The following LIN7C variants were observed in gnomAD, a reference collection of about 807,000 sequenced individuals.
The protein encoded by LIN7C is lin-7 cell polarity scaffold C.
LIN7C carries 17 observed loss-of-function variants against 24.7 expected under a neutral mutation model. The ratio of observed to expected loss-of-function variants is 0.69; its 90% confidence interval spans 0.47 to 1.03. The LOEUF (loss-of-function observed/expected upper bound fraction) is 1.03, where lower values mean the gene tolerates loss of function less well. Among genes scored for constraint, LIN7C ranks in the 50% least tolerant of loss-of-function variants. LIN7C has a pLI of 0.00. For missense variants in LIN7C, 204 were observed against 239.0 expected, an observed-to-expected ratio of 0.85 and a Z score of 0.97; for synonymous variants, 90 against 83.4, an observed-to-expected ratio of 1.08 and a Z score of -0.43.
At chr11:27,502,813 T>G (rs565726005) in intron 1 of LIN7C, among the ~76,000 whole-genome samples, 2 of 152,342 alleles carry the variant, frequency 1.3e-5, no homozygotes, top group Non-Finnish European at 2.9e-5. Context: ...TGGTACCAAT[T>G]AATCATAAGA....
In LIN7C at chr11:27,494,942, T is replaced by G. The variant is rs1298419955; in HGVS notation, c.*3707A>C. On this transcript the variant is annotated 3_prime_UTR_variant, in exon 5 of 5. Coordinates refer to ENST00000278193, the MANE Select transcript of LIN7C (RefSeq NM_018362.4). ...TCAGGAAATACAATTACTAGAATCC[T>G]TGATATTTCAATGATCATTCCACAT... 1 of 152,614 alleles carries G rather than the reference T, an allele frequency of 6.6e-6. No homozygotes were observed. Among genetic ancestry groups the G allele is most frequent in the African/African-American group, 2.4e-5 (1 of 41,478 alleles). 9.5% of individuals were successfully genotyped at this position (152,614 alleles called of 1,614,324 possible). A position where few individuals can be genotyped will look rare whatever the true frequency, so the allele number is the denominator to read the frequency against.
In LIN7C at chr11:27,496,643, T is replaced by C. The variant is rs765195911; in HGVS notation, c.*2006A>G. The C allele has an allele frequency of 2.0e-5, 3 of 152,244 alleles. No individual in the cohort carries two copies. The highest frequency in any genetic ancestry group is 3.4e-3 in the Middle Eastern group (1 of 294). 9.4% of individuals were successfully genotyped at this position (152,244 alleles called of 1,614,324 possible). A position where few individuals can be genotyped will look rare whatever the true frequency, so the allele number is the denominator to read the frequency against. On this transcript the variant is annotated 3_prime_UTR_variant, in exon 5 of 5. Coordinates refer to ENST00000278193, the MANE Select transcript of LIN7C (RefSeq NM_018362.4). Reference sequence around the variant, plus strand: ...GGTGTCAACCCACACAAAGAACAGATTGTGGATTACCGTAGGGAAAAAAAT... The same window carrying C: ...GGTGTCAACCCACACAAAGAACAGACTGTGGATTACCGTAGGGAAAAAAAT...
chr11:27,504,066 C>T (rs1242727809), intron 1 of LIN7C, among the ~76,000 whole-genome samples: 5 of 152,172 alleles, frequency 3.3e-5, no homozygotes, highest in African/African-American at 1.2e-4. Context: ...GATCTGCTTG[C>T]CTCGGCCTCC....
rs772250646 is a variant in LIN7C, at chr11:27,496,091, A to T, written c.*2558T>A. On this transcript the variant is annotated 3_prime_UTR_variant, in exon 5 of 5. Coordinates refer to ENST00000278193, the MANE Select transcript of LIN7C (RefSeq NM_018362.4). Reference sequence around the variant, plus strand: ...GATACTTCCTAAGAGTGTCCAGTGTAATCAGATCATTTTATAATGGGTTAT... The same window carrying T: ...GATACTTCCTAAGAGTGTCCAGTGTTATCAGATCATTTTATAATGGGTTAT... The T allele has an allele frequency of 6.6e-6, 1 of 151,888 alleles. No homozygotes were observed. Among genetic ancestry groups the T allele is most frequent in the Non-Finnish European group, 1.5e-5 (1 of 67,958 alleles). 9.4% of individuals were successfully genotyped at this position (151,888 alleles called of 1,614,324 possible). A position where few individuals can be genotyped will look rare whatever the true frequency, so the allele number is the denominator to read the frequency against.
At position 27,495,070 on chromosome 11, in the gene LIN7C, AT is replaced by A. The variant is rs753706085; in HGVS notation, c.*3578del. 6.5e-6 allele frequency: 1 copy of A among 152,796 alleles called. No homozygotes were observed. Among genetic ancestry groups the A allele is most frequent in the Admixed American group, 6.5e-5 (1 of 15,302 alleles). 9.5% of individuals were successfully genotyped at this position (152,796 alleles called of 1,614,324 possible). A position where few individuals can be genotyped will look rare whatever the true frequency, so the allele number is the denominator to read the frequency against. On this transcript the variant is annotated 3_prime_UTR_variant, in exon 5 of 5. Transcript: ENST00000278193. ...CATTTCTTCTATTAAATGCTATAAT[AT>A]CCATTTTAATTGTAAACAAAGTACT...
chr11:27,495,636 T>TTC lies in LIN7C; in HGVS notation c.*3011_*3012dup, dbSNP rs1865158252. 6.6e-6 allele frequency: 1 copy of TTC among 151,974 alleles called. No individual in the cohort carries two copies. The highest frequency in any genetic ancestry group is 2.4e-5 in the African/African-American group (1 of 41,368). 9.4% of individuals were successfully genotyped at this position (151,974 alleles called of 1,614,324 possible). A position where few individuals can be genotyped will look rare whatever the true frequency, so the allele number is the denominator to read the frequency against. ...CTCATCTGCAATTTTTAAACATGCT[T>TTC]TCTCAAATAACAAACACGTATTTTT... is the stretch of plus-strand genomic sequence containing the variant. On this transcript the variant is annotated 3_prime_UTR_variant, in exon 5 of 5. Transcript: ENST00000278193.
chr11:27,503,331 T>C (rs1173663794), intron 1 of LIN7C, among the ~76,000 whole-genome samples: 1 of 152,220 alleles, frequency 6.6e-6, no homozygotes, highest in Non-Finnish European at 1.5e-5. Context: ...TGTTTTGGTA[T>C]ACTGTTTTTG....
Position 27,501,928 on chromosome 11 carries a change from TAAAC to T in LIN7C, c.38-12_38-9del. The T allele has an allele frequency of 6.7e-7, 1 of 1,494,308 alleles. No individual in the cohort carries two copies. The highest frequency in any genetic ancestry group is 9.3e-7 in the Non-Finnish European group (1 of 1,072,246). The allele number at this position is 1,494,308 out of a possible 1,614,324, so 92.6% of individuals were successfully genotyped here. ...CAATTGCTCTACAAATATCTAGAGT[TAAAC>T]ACACACACAGATAATTTTCTCCAAG... On this transcript the variant is annotated splice_polypyrimidine_tract_variant and intron_variant, in intron 1 of 4. Coordinates refer to ENST00000278193, the MANE Select transcript of LIN7C (RefSeq NM_018362.4).
At position 27,501,823 on chromosome 11, in the gene LIN7C, T is replaced by C; in HGVS notation, c.135A>G (p.Glu45=). 1 of 1,610,224 alleles carries C rather than the reference T, an allele frequency of 6.2e-7. No individual in the cohort carries two copies. The highest frequency in any genetic ancestry group is 8.5e-7 in the Non-Finnish European group (1 of 1,176,580). ...LQALQRVLQS[E]FCNAVREVYE... ...TCACCTCTCTCACAGCATTGCAGAA[T>C]TCACTTTGAAGGACTCTTTGCAAAG... is the stretch of plus-strand genomic sequence containing the variant. The change falls in exon 2 of 5, where the codon GAA becomes GAG. Residue 45 remains glutamate, a synonymous_variant. Transcript: ENST00000278193.
At chr11:27,501,135 A>G (rs1865221307) in intron 3 of LIN7C, among the ~76,000 whole-genome samples, 1 of 152,146 alleles carries the variant, frequency 6.6e-6, no homozygotes, top group African/African-American at 2.4e-5. Context: ...CAATAAGATG[A>G]GGATAGTAAT....
In LIN7C at chr11:27,501,521, C is replaced by T. The variant is rs753023492; in HGVS notation, c.202G>A (p.Glu68Lys). ...TTTGCAGTAGCGTTCGCTCTCACTT[C>T]AGGACTGCTACTGATGTCCACAGTC... ...YETVDISSSP[E>K]VRANATAKAT... The change falls in exon 3 of 5, where the codon GAA becomes AAA. Residue 68 changes from glutamate to lysine, a missense_variant. Physicochemically the swap from Glu to Lys is moderately conservative, Grantham distance 56 (BLOSUM62 1). Around this residue, in one of 3 missense-constraint regions of LIN7C, gnomAD observed 126 missense variants for 117.8 expected, o/e 1.07. Transcript: ENST00000278193. 1.9e-6 allele frequency: 3 copies of T among 1,604,066 alleles called. No homozygotes were observed. Among genetic ancestry groups the T allele is most frequent in the Non-Finnish European group, 2.5e-6 (3 of 1,177,490 alleles).
At chr11:27,500,007 G>C (rs758990438) in intron 3 of LIN7C, among the ~76,000 whole-genome samples, 15 of 152,220 alleles carry the variant, frequency 9.9e-5, no homozygotes, top group Non-Finnish European at 1.9e-4. Context: ...GTGATTCTGA[G>C]AAGGTAAGCT....
In LIN7C at chr11:27,501,821, A is replaced by T; in HGVS notation, c.137T>A (p.Phe46Tyr). The T allele has an allele frequency of 6.2e-7, 1 of 1,609,816 alleles. No homozygotes were observed. The highest frequency in any genetic ancestry group is 8.5e-7 in the Non-Finnish European group (1 of 1,176,264). ...QALQRVLQSE[F>Y]CNAVREVYEH... is the part of the protein sequence containing the mutation. ...ACTCACCTCTCTCACAGCATTGCAG[A>T]ATTCACTTTGAAGGACTCTTTGCAA... Residue 46 changes from phenylalanine (F) to tyrosine (Y), a missense_variant, in exon 2 of 5, where the codon TTC (phenylalanine) becomes TAC (tyrosine). By Grantham distance (22) the Phe-to-Tyr change is conservative (BLOSUM62 3). Transcript: ENST00000278193.
At chr11:27,501,422 G>C (rs756418497) in intron 3 of LIN7C, 73 bp downstream of exon 3, 26 of 932,586 alleles carry the variant, frequency 2.8e-5, no homozygotes, top group Middle Eastern at 2.4e-4. Context: ...AGTTTATTAT[G>C]AATTTAATAA....
intron 1 of LIN7C, among the ~76,000 whole-genome samples, chr11:27,502,217 C>G (rs1479669734): frequency 2.0e-5 from 3 of 152,070 alleles, no homozygotes; most frequent in African/African-American, 7.2e-5. Context: ...ACACAAAATA[C>G]CAAATGTCAT....
At position 27,495,948 on chromosome 11, in the gene LIN7C, C is replaced by G. The variant is rs940208292; in HGVS notation, c.*2701G>C. 1.5e-5 allele frequency: 2 copies of G among 135,172 alleles called. No homozygotes were observed. The highest frequency in any genetic ancestry group is 4.3e-4 in the East Asian group (2 of 4,674). The allele number at this position is 135,172 out of a possible 1,614,324, so 8.4% of individuals were successfully genotyped here. Reference sequence around the variant, plus strand: ...CACCACTGTGTTCCAGCCTGGGAGACAAAGCAAGATCCTGTCTCTTTTAAA... The same window carrying G: ...CACCACTGTGTTCCAGCCTGGGAGAGAAAGCAAGATCCTGTCTCTTTTAAA... On this transcript the variant is annotated 3_prime_UTR_variant, in exon 5 of 5. Coordinates refer to ENST00000278193, the MANE Select transcript of LIN7C (RefSeq NM_018362.4).
chr11:27,499,678 A>T, intron 3 of LIN7C, 110 bp from the exon 4 acceptor site: 1 of 935,528 alleles, frequency 1.1e-6, no homozygotes, highest in Non-Finnish European at 1.6e-6. Flanking sequence ...GCTGGAGTGC[A>T]GTGGCGTGAT....
intron 2 of LIN7C, 50 bp downstream of exon 2, chr11:27,501,752 T>C: frequency 8.5e-7 from 1 of 1,182,904 alleles, no homozygotes; most frequent in Middle Eastern, 1.9e-4. Context: ...TAGAGTATTA[T>C]CTGACCTAAT....
At chr11:27,502,203 T>C (rs1364050340) in intron 1 of LIN7C, among the ~76,000 whole-genome samples, 2 of 152,096 alleles carry the variant, frequency 1.3e-5, no homozygotes, top group Non-Finnish European at 2.9e-5. Context: ...CACAGGCAAA[T>C]TGAACACAAA....
Sources: gnomAD v4.1 joint callset for allele counts (sites outside exome capture counted in the v4.1 genomes callset) on GRCh38, gnomAD v4.1.1 for gene constraint, gnomAD v4.1.1 regional missense constraint, MANE v1.5 for transcripts, NCBI Gene and HGNC (gene_info 2026-07-23, HGNC 2026-07-21) for gene names.